Variants in CNNM3 observed in about 807,000 individuals in gnomAD.
CNNM3 encodes the protein cyclin and CBS domain divalent metal cation transport mediator 3.
Under a neutral mutation model 57.1 loss-of-function variants are expected in CNNM3, and 47 were observed. The observed-to-expected ratio is 0.82, with a 90% CI of 0.65 to 1.05. The LOEUF (loss-of-function observed/expected upper bound fraction) is 1.05, where lower values mean the gene tolerates loss of function less well. CNNM3 is among the 50% of genes least tolerant of loss of function. CNNM3 has a pLI of 0.00. For missense variants in CNNM3, 957 were observed against 973.7 expected, an observed-to-expected ratio of 0.98 and a Z score of 0.23; for synonymous variants, 507 against 478.2, an observed-to-expected ratio of 1.06 and a Z score of -0.79.
chr2:96,819,312 A>G (rs929804413), intron 1 of CNNM3, among the ~76,000 whole-genome samples: 1 of 152,120 alleles, frequency 6.6e-6, no homozygotes, highest in Admixed American at 6.5e-5. Context: ...GAATCAGCGG[A>G]GTAGGTTCCA....
chr2:96,824,646 A>G (rs2079466536), intron 1 of CNNM3: 1 of 195,204 alleles, frequency 5.1e-6, no homozygotes, highest in African/African-American at 2.3e-5. Context: ...GTCGCAGGAG[A>G]GCCTGTGTTT....
chr2:96,833,047 T>C lies in CNNM3; in HGVS notation c.*431T>C, dbSNP rs1005287845. 22 of 1,289,414 alleles carry C rather than the reference T, an allele frequency of 1.7e-5. No individual in the cohort carries two copies. Among genetic ancestry groups the C allele is most frequent in the Non-Finnish European group, 2.1e-5 (21 of 987,234 alleles). 79.9% of individuals were successfully genotyped at this position (1,289,414 alleles called of 1,614,324 possible). On this transcript the variant is annotated 3_prime_UTR_variant, in exon 8 of 8. Transcript: ENST00000305510. ...TGCTTTTAATTTGCCAACCTATCGC[T>C]GCTGGCAGCACTTTTTGAGCAAGCC...
intron 7 of CNNM3, among the ~76,000 whole-genome samples, chr2:96,831,519 A>C (rs1326421316): frequency 1.3e-5 from 2 of 152,220 alleles, no homozygotes; most frequent in East Asian, 3.8e-4. Context: ...CCTATTTTTG[A>C]GAATGAAGTT....
At chr2:96,836,282 G>A (rs998158700), downstream of CNNM3, among the ~76,000 whole-genome samples, 3 of 122,190 alleles carry the variant, frequency 2.5e-5, no homozygotes, top group African/African-American at 9.4e-5. Context: ...CACTCTTGTT[G>A]CCCAGGCTGG....
At chr2:96,818,060 C>G (rs2079351920) in intron 1 of CNNM3, among the ~76,000 whole-genome samples, 1 of 152,198 alleles carries the variant, frequency 6.6e-6, no homozygotes, top group Non-Finnish European at 1.5e-5. Flanking sequence ...GGAAACTTAA[C>G]ACTTTGCTTT....
chr2:96,819,160 A>G (rs1314590615), intron 1 of CNNM3, among the ~76,000 whole-genome samples: 3 of 152,150 alleles, frequency 2.0e-5, no homozygotes, highest in South Asian at 2.1e-4. Context: ...GAACATGGCC[A>G]TGCCACCCTG....
intron 6 of CNNM3, 44 bp downstream of exon 6, chr2:96,828,744 T>A: frequency 6.2e-7 from 1 of 1,611,588 alleles, no homozygotes. Flanking sequence ...TAGCCGACTT[T>A]GTGTCACCGG....
intron 7 of CNNM3, chr2:96,832,278 A>T: frequency 1.0e-6 from 1 of 985,350 alleles, no homozygotes; most frequent in South Asian, 4.7e-5. Flanking sequence ...AGGGTGCTGT[A>T]TCGTCCCGGG....
intron 5 of CNNM3, 88 bp from the exon 6 acceptor site, chr2:96,828,479 C>G (rs2079547431): frequency 2.0e-5 from 31 of 1,528,268 alleles, no homozygotes; most frequent in Non-Finnish European, 2.8e-5. Flanking sequence ...TGGGGTGGGT[C>G]TTCGAAACTG....
At position 96,825,149 on chromosome 2, in the gene CNNM3, C is replaced by T. The variant is rs61730516; in HGVS notation, c.1317C>T (p.Asp439=). 1.2e-3 allele frequency: 1,956 copies of T among 1,614,106 alleles called. 20 individuals carry two copies. In the African/African-American group the frequency reaches 0.023, roughly 19 times the overall value. The change falls in exon 2 of 8, where the codon GAC becomes GAT. Residue 439 remains aspartate, a synonymous_variant. Transcript: ENST00000305510. ...TCCTGGGCCTGGTCACCCTGGAGGACGTGATCGAGGAGATCATCAGGTCCG... is the reference window on the plus strand; with the variant it reads ...TCCTGGGCCTGGTCACCCTGGAGGATGTGATCGAGGAGATCATCAGGTCCG... ...YEVLGLVTLE[D]VIEEIIRSEI...
rs1553484168 is a variant in CNNM3 at position 96,834,330 on chromosome 2, T to TTCA, written c.*1715_*1716insCAT. On this transcript the variant is annotated 3_prime_UTR_variant, in exon 8 of 8. Coordinates refer to ENST00000305510, the MANE Select transcript of CNNM3 (RefSeq NM_017623.5). ...ATCAGAGTTTTCAATTTTTTATTTA[T>TTCA]TTATTATTATTATTATTATTATTAT... Among the ~76,000 whole-genome samples, 3 of 146,470 alleles carry TTCA rather than the reference T, an allele frequency of 2.0e-5. No homozygotes were observed. The South Asian group carries it at 6.4e-4, about 31-fold the overall frequency.
At chr2:96,836,715 CAA>C (rs1278969995), downstream of CNNM3, 2 of 152,168 alleles carry the variant, frequency 1.3e-5, no homozygotes, top group Admixed American at 1.3e-4. Flanking sequence ...TTATACAGAG[CAA>C]AAGTTTTCAG....
intron 2 of CNNM3, 144 bp downstream of exon 2, chr2:96,825,345 T>G: frequency 9.8e-7 from 1 of 1,021,966 alleles, no homozygotes; most frequent in South Asian, 1.7e-5. Flanking sequence ...CCTGCATGGG[T>G]GCTGGCAGAG....
At chr2:96,829,171 A>C in intron 7 of CNNM3, 37 bp downstream of exon 7, 1 of 1,601,638 alleles carries the variant, frequency 6.2e-7, no homozygotes, top group Non-Finnish European at 8.5e-7. Context: ...TGGTGTCTGG[A>C]CCTGAGGGCC....
At chr2:96,826,812 C>T (rs151271921) in intron 2 of CNNM3, 21 bp from the exon 3 acceptor site, 50 of 1,613,498 alleles carry the variant, frequency 3.1e-5, no homozygotes, top group African/African-American at 2.1e-4. Context: ...TGCCTGAGCG[C>T]GCCCTCTTCT....
In CNNM3 at chr2:96,832,774, C is replaced by T; in HGVS notation, c.*158C>T. On this transcript the variant is annotated 3_prime_UTR_variant, in exon 8 of 8. Transcript: ENST00000305510. ...GGTCCTGGGTGTCCTCAGAACTAGACATCAATGCCTGGATCCTTCAGCCGG... is the reference window on the plus strand; with the variant it reads ...GGTCCTGGGTGTCCTCAGAACTAGATATCAATGCCTGGATCCTTCAGCCGG... 6.6e-7 allele frequency: 1 copy of T among 1,506,888 alleles called. No homozygotes were observed. The highest frequency in any genetic ancestry group is 1.8e-4 in the Middle Eastern group (1 of 5,512). The allele number at this position is 1,506,888 out of a possible 1,614,324, so 93.3% of individuals were successfully genotyped here.
At chr2:96,825,012 T>G (rs781709606) in intron 1 of CNNM3, 46 bp from the exon 2 acceptor site, 6 of 1,603,020 alleles carry the variant, frequency 3.7e-6, no homozygotes, top group Non-Finnish European at 5.1e-6. Flanking sequence ...TGAATCAAAC[T>G]GGGGGGGGCC....
chr2:96,820,310 G>A (rs886655999), intron 1 of CNNM3, among the ~76,000 whole-genome samples: 6 of 152,218 alleles, frequency 3.9e-5, no homozygotes, highest in African/African-American at 1.2e-4. Flanking sequence ...TGGCTGTGTG[G>A]TGGCGGTGCG....
chr2:96,831,003 C>G (rs2079592931), intron 7 of CNNM3, among the ~76,000 whole-genome samples: 1 of 152,216 alleles, frequency 6.6e-6, no homozygotes, highest in Non-Finnish European at 1.5e-5. Context: ...CACTGCTACT[C>G]AGACTGCACG....
Sources: allele counts gnomAD v4.1 joint callset (sites outside exome capture counted in the v4.1 genomes callset), GRCh38; gene constraint gnomAD v4.1.1; transcripts MANE v1.5; gene names NCBI Gene and HGNC (gene_info 2026-07-23, HGNC 2026-07-21).